Variants in LRP1B observed in about 807,000 individuals in gnomAD.
LRP1B encodes LDL receptor related protein 1B.
LRP1B carries 217 observed loss-of-function variants against 556.6 expected under a neutral mutation model. The observed-to-expected ratio is 0.39, with a 90% CI of 0.35 to 0.44. The LOEUF (loss-of-function observed/expected upper bound fraction) is 0.44. Among genes scored for constraint, LRP1B ranks in the 20% least tolerant of loss-of-function variants. LRP1B has a pLI of 1.00. For synonymous variants in LRP1B, 2,047 were observed against 1,865.8 expected (o/e 1.10, Z -2.50); for missense variants, 5,053 against 5,620.8 (o/e 0.90, Z 3.23).
At chr2:141,849,657 T>C (rs1214633369) in intron 1 of LRP1B, among the ~76,000 whole-genome samples, 1 of 151,664 alleles carries the variant, frequency 6.6e-6, no homozygotes. Context: ...GCAAAAGTTA[T>C]AGCTTATGTT....
intron 11 of LRP1B, among the ~76,000 whole-genome samples, chr2:141,030,425 T>A (rs76493059): frequency 2.0e-5 from 3 of 152,104 alleles, no homozygotes; most frequent in Non-Finnish European, 4.4e-5. Context: ...ACCTTGCAAT[T>A]TGAAATTCCT....
chr2:141,094,642 T>C (rs1332017096), intron 7 of LRP1B, among the ~76,000 whole-genome samples: 3 of 152,122 alleles, frequency 2.0e-5, no homozygotes, highest in African/African-American at 7.2e-5. Context: ...AGAATATTCT[T>C]CTCTAAGATG....
intron 35 of LRP1B, among the ~76,000 whole-genome samples, chr2:140,745,918 G>A (rs780566421): frequency 3.3e-5 from 5 of 152,058 alleles, no homozygotes; most frequent in African/African-American, 7.2e-5. Context: ...ATGGTAAGGC[G>A]GAAAGAGCAT....
intron 1 of LRP1B, among the ~76,000 whole-genome samples, chr2:141,853,866 G>T (rs1363518550): frequency 6.6e-6 from 1 of 151,876 alleles, no homozygotes; most frequent in African/African-American, 2.4e-5. Context: ...ACATTTATGT[G>T]GCTCAAGTCA....
At chr2:141,719,368 A>G (rs1323929810) in intron 2 of LRP1B, among the ~76,000 whole-genome samples, 2 of 152,110 alleles carry the variant, frequency 1.3e-5, no homozygotes, top group African/African-American at 4.8e-5. Flanking sequence ...ACCAAGACAG[A>G]ATTGCAATGT....
intron 1 of LRP1B, among the ~76,000 whole-genome samples, chr2:141,919,648 T>C (rs1244980307): frequency 6.6e-6 from 1 of 152,072 alleles, no homozygotes; most frequent in Admixed American, 6.6e-5. Flanking sequence ...CACAGCAATA[T>C]TTTTTAATTA....
chr2:141,156,397 C>T (rs146918864), intron 7 of LRP1B, among the ~76,000 whole-genome samples: 1,585 of 152,160 alleles, frequency 0.01, 14 homozygotes, highest in South Asian at 0.025. Context: ...GAGGCTGAGA[C>T]AGGTGGATCA....
At chr2:141,748,109 A>G (rs1276708850) in intron 2 of LRP1B, among the ~76,000 whole-genome samples, 1 of 152,240 alleles carries the variant, frequency 6.6e-6, no homozygotes, top group Non-Finnish European at 1.5e-5. Flanking sequence ...AAGCTAATTT[A>G]TAATCTTAAT....
intron 82 of LRP1B, among the ~76,000 whole-genome samples, chr2:140,318,181 A>T (rs960509193): frequency 1.3e-5 from 2 of 152,178 alleles, no homozygotes; most frequent in African/African-American, 4.8e-5. Context: ...CAGAAAAAAA[A>T]TAACTAGCAT....
intron 1 of LRP1B, among the ~76,000 whole-genome samples, chr2:142,043,609 C>CA (rs1264518293): frequency 6.6e-6 from 1 of 151,538 alleles, no homozygotes; most frequent in Non-Finnish European, 1.5e-5. Context: ...ATGATGTCAA[C>CA]AAAAAATTAT....
At chr2:142,014,914 A>T (rs578151796) in intron 1 of LRP1B, among the ~76,000 whole-genome samples, 4 of 152,336 alleles carry the variant, frequency 2.6e-5, no homozygotes, top group South Asian at 2.1e-4. Context: ...AAAACAAAAC[A>T]AAACTAAACT....
intron 2 of LRP1B, among the ~76,000 whole-genome samples, chr2:141,783,686 A>T (rs889201619): frequency 6.6e-6 from 1 of 151,978 alleles, no homozygotes; most frequent in Admixed American, 6.6e-5. Context: ...CATCCCTAAG[A>T]AAATATTTCA....
intron 7 of LRP1B, among the ~76,000 whole-genome samples, chr2:141,064,658 T>C (rs534274701): frequency 5.9e-5 from 9 of 152,074 alleles, no homozygotes; most frequent in South Asian, 4.1e-4. Flanking sequence ...TTGCAGCTAT[T>C]GAGTGCCTAT....
intron 12 of LRP1B, 121 bp from the exon 13 acceptor site, chr2:141,016,036 C>G: frequency 1.4e-6 from 1 of 729,964 alleles, no homozygotes; most frequent in Non-Finnish European, 2.4e-6. Flanking sequence ...GTCCTCCTAT[C>G]TAAGTGCTTA....
chr2:141,070,963 C>T (rs1472490004), intron 7 of LRP1B, among the ~76,000 whole-genome samples: 8 of 152,140 alleles, frequency 5.3e-5, no homozygotes, highest in Non-Finnish European at 1.0e-4. Flanking sequence ...TGAAACTATT[C>T]CAATCCATAG....
rs1350142565 is a variant in LRP1B at position 140,247,127 on chromosome 2, C to T, written c.13283G>A (p.Arg4428Lys). The T allele has an allele frequency of 1.8e-5, 29 of 1,609,356 alleles. No individual in the cohort carries two copies. The highest frequency in any genetic ancestry group is 2.3e-5 in the Non-Finnish European group (27 of 1,176,808). ...AGACTTGCTGCTCTTTGGGGCTGGC[C>T]TTTCACACTGTGTGCCTGACCAGTT... ...STNWSGTQCE[R>K]PAPKSSKSDH... is the part of the protein sequence containing the mutation. Residue 4428 changes from arginine (R) to lysine (K), a missense_variant, in exon 87 of 91, where the codon AGG becomes AAG. Physicochemically the swap from Arg to Lys is conservative, Grantham distance 26. Around this residue, in one of 5 missense-constraint regions of LRP1B, gnomAD observed 551 missense variants for 592.0 expected, o/e 0.93. Coordinates refer to ENST00000389484, the MANE Select transcript of LRP1B (RefSeq NM_018557.3).
intron 66 of LRP1B, among the ~76,000 whole-genome samples, chr2:140,431,749 G>T (rs1685954223): frequency 6.6e-6 from 1 of 152,030 alleles, no homozygotes; most frequent in Non-Finnish European, 1.5e-5. Flanking sequence ...TCCAGGCCAT[G>T]ACCAATAATT....
chr2:140,614,860 A>T (rs1488512851), intron 41 of LRP1B, among the ~76,000 whole-genome samples: 2 of 152,200 alleles, frequency 1.3e-5, no homozygotes, highest in African/African-American at 4.8e-5. Context: ...TGCCTTTGCA[A>T]ATATTATGAC....
intron 18 of LRP1B, among the ~76,000 whole-genome samples, chr2:140,975,773 A>G (rs1191962154): frequency 6.6e-6 from 1 of 152,186 alleles, no homozygotes; most frequent in Non-Finnish European, 1.5e-5. Flanking sequence ...TTTCTTAGAA[A>G]ATAAAAAATA....
Sources: allele counts gnomAD v4.1 joint callset (sites outside exome capture counted in the v4.1 genomes callset), GRCh38; gene constraint gnomAD v4.1.1; regional missense constraint gnomAD v4.1.1; transcripts MANE v1.5; gene names NCBI Gene and HGNC (gene_info 2026-07-23, HGNC 2026-07-21).